ZNF248: variants seen among roughly 807,000 people sequenced by gnomAD.
The protein encoded by ZNF248 is KRAB protein domain.
A neutral mutation model predicts 44.3 loss-of-function variants in ZNF248; 20 were observed. The observed-to-expected ratio is 0.45, with a 90% CI of 0.32 to 0.66. The LOEUF (loss-of-function observed/expected upper bound fraction) is 0.66. Among genes scored for constraint, ZNF248 ranks in the 30% least tolerant of loss-of-function variants. ZNF248 has a pLI of 0.04. For synonymous variants in ZNF248, 224 were observed against 229.0 expected (o/e 0.98, Z 0.20); for missense variants, 654 against 677.0 (o/e 0.97, Z 0.38).
At chr10:37,821,697 C>A (rs954962592) in intron 6 of ZNF248, among the ~76,000 whole-genome samples, 2 of 152,202 alleles carry the variant, frequency 1.3e-5, no homozygotes, top group Non-Finnish European at 2.9e-5. Context: ...CCTCTTCAAC[C>A]CTGACCCTGG....
chr10:37,848,770 C>T (rs1564658991), intron 3 of ZNF248, among the ~76,000 whole-genome samples: 1 of 152,158 alleles, frequency 6.6e-6, no homozygotes, highest in African/African-American at 2.4e-5. Context: ...GATTTCTTAC[C>T]TATTATGTTT....
intron 6 of ZNF248, among the ~76,000 whole-genome samples, chr10:37,812,276 T>A (rs997721881): frequency 1.3e-5 from 2 of 151,614 alleles, no homozygotes; most frequent in African/African-American, 4.8e-5. Context: ...AGGAAGGATA[T>A]CTGCTTGAAC....
At chr10:37,809,229 A>G (rs181937221) in intron 6 of ZNF248, among the ~76,000 whole-genome samples, 1 of 151,118 alleles carries the variant, frequency 6.6e-6, no homozygotes, top group African/African-American at 2.4e-5. Context: ...TCTCTGCCCT[A>G]CTCTTTATTT....
chr10:37,819,990 A>T (rs2053196174), intron 6 of ZNF248: 9 of 772,594 alleles, frequency 1.2e-5, no homozygotes, highest in Non-Finnish European at 2.1e-5. Flanking sequence ...GCATGCTCTT[A>T]TCTCTACATG....
chr10:37,765,993 C>T, the ZNF248 span, among the ~76,000 whole-genome samples: 1,587 of 152,364 alleles, frequency 0.01, 24 homozygotes, highest in South Asian at 0.057. Context: ...CCTACGCCCA[C>T]GGAGTCTCAC....
intron 6 of ZNF248, among the ~76,000 whole-genome samples, chr10:37,809,966 T>C (rs2133373242): frequency 6.6e-6 from 1 of 152,346 alleles, no homozygotes; most frequent in Non-Finnish European, 1.5e-5. Context: ...TGGTTTACCC[T>C]GGAGAATAAC....
intron 3 of ZNF248, among the ~76,000 whole-genome samples, chr10:37,840,366 C>T (rs2134201839): frequency 6.6e-6 from 1 of 152,186 alleles, no homozygotes; most frequent in African/African-American, 2.4e-5. Context: ...GAAAAATAGG[C>T]AAAAGATCTG....
At chr10:37,764,093 G>A in the ZNF248 span, among the ~76,000 whole-genome samples, 32 of 152,238 alleles carry the variant, frequency 2.1e-4, no homozygotes, top group African/African-American at 7.2e-4. Flanking sequence ...AGGCGGAACA[G>A]AGCCATATTT....
chr10:37,779,319 A>G (rs1219260322), intron 6 of ZNF248, among the ~76,000 whole-genome samples: 1 of 152,208 alleles, frequency 6.6e-6, no homozygotes, highest in Non-Finnish European at 1.5e-5. Flanking sequence ...ATCCACCATG[A>G]TCAAGTGGGC....
intron 3 of ZNF248, 25 bp from the exon 4 acceptor site, chr10:37,838,136 T>C: frequency 6.3e-7 from 1 of 1,599,588 alleles, no homozygotes; most frequent in Non-Finnish European, 8.5e-7. Context: ...TCTTTTTACA[T>C]GAAATGGTCA....
intron 6 of ZNF248, chr10:37,783,980 A>G (rs893695620): frequency 6.6e-6 from 1 of 152,276 alleles, no homozygotes; most frequent in Non-Finnish European, 1.5e-5. Flanking sequence ...ACGCCCAGCT[A>G]ATTTTGTAGT....
In ZNF248 at chr10:37,830,154, A is replaced by T; in HGVS notation, c.*1461T>A. On this transcript the variant is annotated 3_prime_UTR_variant, in exon 6 of 6. Transcript: ENST00000395867. ...AAGGATATCAAAAGGGCCTTTCATT[A>T]CATACCGCCACTTTTTGAGGAGTGC... The T allele has an allele frequency of 1.0e-6, 1 of 985,430 alleles. No individual in the cohort carries two copies. Among genetic ancestry groups the T allele is most frequent in the African/African-American group, 1.7e-5 (1 of 57,380 alleles). The allele number at this position is 985,430 out of a possible 1,614,324, so 61.0% of individuals were successfully genotyped here.
At chr10:37,812,152 G>T (rs960577504) in intron 6 of ZNF248, among the ~76,000 whole-genome samples, 2 of 151,890 alleles carry the variant, frequency 1.3e-5, no homozygotes, top group African/African-American at 2.4e-5. Context: ...TGAGAGGATC[G>T]ATTGATCCCA....
chr10:37,764,734 G>A, the ZNF248 span, among the ~76,000 whole-genome samples: 2 of 152,026 alleles, frequency 1.3e-5, no homozygotes, highest in Non-Finnish European at 2.9e-5. Context: ...ATAATATGTA[G>A]GAACTAATTC....
At chr10:37,783,469 T>C (rs1299182548) in intron 6 of ZNF248, among the ~76,000 whole-genome samples, 1 of 152,168 alleles carries the variant, frequency 6.6e-6, no homozygotes, top group Non-Finnish European at 1.5e-5. Context: ...AGTGTGGTCT[T>C]ATATAGGGCA....
chr10:37,758,902 T>C, the ZNF248 span, among the ~76,000 whole-genome samples: 9 of 152,352 alleles, frequency 5.9e-5, no homozygotes, highest in East Asian at 1.7e-3. Context: ...TTGTCCTTAC[T>C]TATCCCAATG....
In ZNF248 at chr10:37,829,525, T is replaced by C; in HGVS notation, c.*2090A>G. 1 of 985,376 alleles carries C rather than the reference T, an allele frequency of 1.0e-6. No homozygotes were observed. Among genetic ancestry groups the C allele is most frequent in the Non-Finnish European group, 1.2e-6 (1 of 829,924 alleles). 61.0% of individuals were successfully genotyped at this position (985,376 alleles called of 1,614,324 possible). The stretch of plus-strand genomic sequence containing the variant: ...ATTCCTCTGTGTCAGCTGGAATGCC[T>C]TCAGCTCTAAGTATCAGACAGCCCT... On this transcript the variant is annotated 3_prime_UTR_variant, in exon 6 of 6. Coordinates refer to ENST00000395867, the MANE Select transcript of ZNF248 (RefSeq NM_021045.3).
chr10:37,765,018 T>A, the ZNF248 span, among the ~76,000 whole-genome samples: 1 of 152,126 alleles, frequency 6.6e-6, no homozygotes. Context: ...TGGAATGCAG[T>A]GATGCAATCT....
chr10:37,805,496 A>T (rs1231706295), intron 6 of ZNF248, among the ~76,000 whole-genome samples: 1 of 152,254 alleles, frequency 6.6e-6, no homozygotes, highest in East Asian at 1.9e-4. Flanking sequence ...AGACCAAATA[A>T]GGAAACTGTA....
Sources: allele counts gnomAD v4.1 joint callset (sites outside exome capture counted in the v4.1 genomes callset), GRCh38; gene constraint gnomAD v4.1.1; transcripts MANE v1.5; gene names NCBI Gene and HGNC (gene_info 2026-07-23, HGNC 2026-07-21).